Variants in LURAP1L observed in about 807,000 individuals in gnomAD.
LURAP1L encodes leucine rich adaptor protein 1-like.
A neutral mutation model predicts 13.8 loss-of-function variants in LURAP1L; 12 were observed. The ratio of observed to expected loss-of-function variants is 0.87; its 90% CI spans 0.56 to 1.41. LURAP1L has a LOEUF of 1.41. Ranked by LOEUF, LURAP1L falls within the 40% of genes most tolerant of loss-of-function variation. LURAP1L has a pLI of 0.00. For synonymous variants in LURAP1L, 139 were observed against 119.2 expected (o/e 1.17, Z -1.08); for missense variants, 375 against 292.9 (o/e 1.28, Z -2.04).
At chr9:12,808,089 A>C (rs1819685509) in intron 1 of LURAP1L, among the ~76,000 whole-genome samples, 1 of 152,106 alleles carries the variant, frequency 6.6e-6, no homozygotes, top group Non-Finnish European at 1.5e-5. Flanking sequence ...TGTTATTTTG[A>C]ACAAACTGTT....
intron 1 of LURAP1L, among the ~76,000 whole-genome samples, chr9:12,785,140 G>C (rs990888610): frequency 6.6e-6 from 1 of 152,146 alleles, no homozygotes; most frequent in Non-Finnish European, 1.5e-5. Context: ...CCCAGGGTGT[G>C]TCTAGAAACG....
chr9:12,780,525 C>G (rs1409192450), intron 1 of LURAP1L, among the ~76,000 whole-genome samples: 3 of 152,128 alleles, frequency 2.0e-5, no homozygotes, highest in Admixed American at 1.3e-4. Context: ...GAAACTATGG[C>G]TTACAGAGAT....
chr9:12,817,479 A>G (rs1488994740), intron 1 of LURAP1L, among the ~76,000 whole-genome samples: 2 of 152,242 alleles, frequency 1.3e-5, no homozygotes, highest in Non-Finnish European at 2.9e-5. Flanking sequence ...TATGATTTCA[A>G]CTAGTCATAA....
intron 1 of LURAP1L, among the ~76,000 whole-genome samples, chr9:12,803,055 C>G (rs1339793500): frequency 1.3e-5 from 2 of 152,172 alleles, no homozygotes. Flanking sequence ...TGTACCTGTT[C>G]TTCCTCTCTC....
chr9:12,779,980 T>G (rs1819247162), intron 1 of LURAP1L, among the ~76,000 whole-genome samples: 2 of 152,130 alleles, frequency 1.3e-5, no homozygotes, highest in Admixed American at 1.3e-4. Flanking sequence ...CAGTAGTACT[T>G]CCTCTCAGTC....
Position 12,822,878 on chromosome 9 carries a change from T to C in LURAP1L, c.*1118T>C, listed in dbSNP as rs1352888503. The stretch of plus-strand genomic sequence containing the variant: ...TAAGATTTCATGCTGTTCTTTGTAA[T>C]GATAAATGTTTCCGGACTAAACACT... On this transcript the variant is annotated 3_prime_UTR_variant, in exon 2 of 2. Coordinates refer to ENST00000319264, the MANE Select transcript of LURAP1L (RefSeq NM_203403.2). Among the ~76,000 whole-genome samples the C allele has an allele frequency of 6.6e-6, 1 of 152,192 alleles. No homozygotes were observed. Among genetic ancestry groups the C allele is most frequent in the Non-Finnish European group, 1.5e-5 (1 of 68,024 alleles).
At chr9:12,795,614 C>T (rs1250063466) in intron 1 of LURAP1L, among the ~76,000 whole-genome samples, 1 of 151,972 alleles carries the variant, frequency 6.6e-6, no homozygotes, top group East Asian at 1.9e-4. Flanking sequence ...AAGGTAAAAT[C>T]AGCCTAATTA....
intron 1 of LURAP1L, among the ~76,000 whole-genome samples, chr9:12,802,587 T>C (rs1445841433): frequency 6.6e-6 from 1 of 152,150 alleles, no homozygotes; most frequent in Non-Finnish European, 1.5e-5. Flanking sequence ...ATGATCCAAT[T>C]AAACCACTTT....
chr9:12,819,866 A>G (rs1434561983), intron 1 of LURAP1L, among the ~76,000 whole-genome samples: 1 of 152,132 alleles, frequency 6.6e-6, no homozygotes, highest in East Asian at 1.9e-4. Context: ...AGGCAGGAGA[A>G]TAATTTGAAC....
intron 1 of LURAP1L, among the ~76,000 whole-genome samples, chr9:12,818,474 G>A (rs752902685): frequency 2.0e-5 from 3 of 152,184 alleles, no homozygotes; most frequent in Non-Finnish European, 4.4e-5. Flanking sequence ...TTAAGATAAG[G>A]AAGAAATGTG....
rs1329452478 is a variant in LURAP1L at position 12,821,645 on chromosome 9, C to T, written c.572C>T (p.Pro191Leu). The T allele has an allele frequency of 1.9e-6, 3 of 1,614,160 alleles. No individual in the cohort carries two copies. In the South Asian group the frequency reaches 3.3e-5, roughly 18 times the overall value. Reference sequence around the variant, plus strand: ...CTGGACACGTTGGCGGATGATGTCCCAGGCCATCAGACCCCTTCAGACTTG... The same window carrying T: ...CTGGACACGTTGGCGGATGATGTCCTAGGCCATCAGACCCCTTCAGACTTG... Reference protein sequence around the residue: ...SYLDTLADDVPGHQTPSDLDQ... With the variant: ...SYLDTLADDVLGHQTPSDLDQ... Residue 191 changes from proline to leucine, a missense_variant, in exon 2 of 2, where the codon CCA becomes CTA. Pro to Leu is a moderately conservative substitution (Grantham distance 98). Transcript: ENST00000319264.
chr9:12,786,983 T>A (rs1208790749), intron 1 of LURAP1L, among the ~76,000 whole-genome samples: 1 of 152,148 alleles, frequency 6.6e-6, no homozygotes, highest in African/African-American at 2.4e-5. Flanking sequence ...AAAGTTGTTA[T>A]GTTTATACCC....
At chr9:12,815,279 A>G (rs1563898944) in intron 1 of LURAP1L, among the ~76,000 whole-genome samples, 1 of 152,172 alleles carries the variant, frequency 6.6e-6, no homozygotes, top group Non-Finnish European at 1.5e-5. Context: ...CAAGCAAACA[A>G]ACTGGAATAA....
chr9:12,777,395 A>T (rs144025069), intron 1 of LURAP1L: 1 of 985,140 alleles, frequency 1.0e-6, no homozygotes, highest in African/African-American at 1.7e-5. Flanking sequence ...ACTATTTTCC[A>T]CAAGAAAATT....
At chr9:12,816,043 A>C (rs16929604) in intron 1 of LURAP1L, among the ~76,000 whole-genome samples, 5,347 of 152,246 alleles carry the variant, frequency 0.035, 335 homozygotes, top group African/African-American at 0.12. Flanking sequence ...CTATAGCCTG[A>C]ATAATTTTCT....
chr9:12,779,103 T>TA lies in LURAP1L; in HGVS notation c.312+3077dup, dbSNP rs1281418355. Among the ~76,000 whole-genome samples the TA allele has an allele frequency of 5.3e-5, 8 of 152,224 alleles. No homozygotes were observed. The East Asian group carries it at 1.5e-3, about 29-fold the overall frequency. On this transcript the variant is annotated intron_variant, in intron 1 of 1. Transcript: ENST00000319264. ...CTCTCTCATTCTCTCTCTCTCAAAA[T>TA]ACTATAATATTTTCAGACTGCAGTT...
chr9:12,787,875 G>T (rs1038345218), intron 1 of LURAP1L, among the ~76,000 whole-genome samples: 1 of 152,076 alleles, frequency 6.6e-6, no homozygotes, highest in African/African-American at 2.4e-5. Context: ...CACTTTGGGG[G>T]TTGAGGCAGG....
chr9:12,787,030 A>T (rs1819365645), intron 1 of LURAP1L, among the ~76,000 whole-genome samples: 1 of 152,274 alleles, frequency 6.6e-6, no homozygotes, highest in Admixed American at 6.5e-5. Context: ...TGACACAAGC[A>T]TCTGTAACAG....
At chr9:12,804,100 T>C (rs1819623327) in intron 1 of LURAP1L, among the ~76,000 whole-genome samples, 1 of 152,162 alleles carries the variant, frequency 6.6e-6, no homozygotes, top group African/African-American at 2.4e-5. Context: ...ATTCAGTGTA[T>C]GATTTTTTTC....
Sources: allele counts gnomAD v4.1 joint callset (sites outside exome capture counted in the v4.1 genomes callset), GRCh38; gene constraint gnomAD v4.1.1; transcripts MANE v1.5; gene names NCBI Gene and HGNC (gene_info 2026-07-23, HGNC 2026-07-21).